SLC8A1: variants seen among roughly 807,000 people sequenced by gnomAD.
SLC8A1 encodes the protein sodium/calcium exchanger 1.
A neutral mutation model predicts 68.3 loss-of-function variants in SLC8A1; 18 were observed. The observed-to-expected ratio is 0.26, with a 90% CI of 0.18 to 0.39. SLC8A1 has a LOEUF of 0.39. Ranked by LOEUF, SLC8A1 falls within the 10% of genes least tolerant of loss-of-function variation. SLC8A1 has a pLI of 1.00. For missense variants in SLC8A1, 985 were observed against 1,156.7 expected (o/e 0.85, Z 2.15); for synonymous variants, 475 against 415.5 (o/e 1.14, Z -1.74).
chr2:40,241,578 C>T (rs1236759764), intron 2 of SLC8A1, among the ~76,000 whole-genome samples: 3 of 152,204 alleles, frequency 2.0e-5, no homozygotes, highest in Non-Finnish European at 2.9e-5. Context: ...CCCCCTTTGA[C>T]CTCTTCTTTG....
At chr2:40,300,951 G>A (rs564560607) in intron 2 of SLC8A1, among the ~76,000 whole-genome samples, 4 of 152,218 alleles carry the variant, frequency 2.6e-5, no homozygotes, top group Admixed American at 6.5e-5. Context: ...TAATCTATAC[G>A]TAATTGTCCT....
intron 2 of SLC8A1, among the ~76,000 whole-genome samples, chr2:40,397,500 C>G (rs899950732): frequency 1.3e-5 from 2 of 152,200 alleles, no homozygotes; most frequent in African/African-American, 2.4e-5. Flanking sequence ...ACAAGAAGCA[C>G]TGTCAACTGA....
At chr2:40,218,738 A>C (rs191373098) in intron 2 of SLC8A1, among the ~76,000 whole-genome samples, 3 of 151,526 alleles carry the variant, frequency 2.0e-5, no homozygotes, top group African/African-American at 7.3e-5. Flanking sequence ...AAAAAAAAAA[A>C]ACTAATTAAC....
At chr2:40,236,276 G>C (rs1260648975) in intron 2 of SLC8A1, among the ~76,000 whole-genome samples, 1 of 151,494 alleles carries the variant, frequency 6.6e-6, no homozygotes, top group Non-Finnish European at 1.5e-5. Flanking sequence ...TTATGAATCT[G>C]GGTGCTCCTG....
chr2:40,466,999 C>T (rs918803464), intron 1 of SLC8A1, among the ~76,000 whole-genome samples: 3 of 147,484 alleles, frequency 2.0e-5, no homozygotes, highest in Non-Finnish European at 4.5e-5. Flanking sequence ...GTGCAGAGAA[C>T]GGAAGAGAAG....
intron 2 of SLC8A1, among the ~76,000 whole-genome samples, chr2:40,320,247 ATTCT>A (rs1254892198): frequency 6.6e-6 from 1 of 152,082 alleles, no homozygotes; most frequent in Non-Finnish European, 1.5e-5. Context: ...TTCAATACTT[ATTCT>A]TTTTTTTCAA....
At chr2:40,131,793 C>T (rs962615409) in intron 7 of SLC8A1, among the ~76,000 whole-genome samples, 11 of 150,198 alleles carry the variant, frequency 7.3e-5, no homozygotes, top group Non-Finnish European at 1.5e-4. Context: ...AAGACCAAAT[C>T]TCTCTTTGTG....
At chr2:40,430,392 T>TA (rs1698013493) in intron 1 of SLC8A1, 88 bp from the exon 2 acceptor site, 5 of 1,334,646 alleles carry the variant, frequency 3.7e-6, no homozygotes, top group Non-Finnish European at 5.0e-6. Flanking sequence ...TTATTTTTAT[T>TA]ACTCTTACCA....
chr2:40,508,987 G>T (rs371995314), intron 1 of SLC8A1, among the ~76,000 whole-genome samples: 1 of 152,162 alleles, frequency 6.6e-6, no homozygotes, highest in African/African-American at 2.4e-5. Flanking sequence ...TGATAACCAC[G>T]GCTCATATCA....
intron 3 of SLC8A1, 116 bp downstream of exon 4, chr2:40,175,145 A>C (rs953927667): frequency 9.1e-7 from 1 of 1,096,082 alleles, no homozygotes; most frequent in Non-Finnish European, 1.4e-6. Flanking sequence ...GGCCCTAAAC[A>C]ACAATCTTGC....
At chr2:40,259,713 A>G (rs1033324332) in intron 2 of SLC8A1, among the ~76,000 whole-genome samples, 5 of 152,104 alleles carry the variant, frequency 3.3e-5, no homozygotes, top group Admixed American at 2.0e-4. Context: ...TTGATTTACT[A>G]TTGCCAATAT....
intron 2 of SLC8A1, among the ~76,000 whole-genome samples, chr2:40,307,045 C>T (rs2072759915): frequency 6.6e-6 from 1 of 152,004 alleles, no homozygotes; most frequent in African/African-American, 2.4e-5. Context: ...AATATTTGCT[C>T]ATCCATGTTC....
chr2:40,129,381 C>A (rs1239898999), intron 7 of SLC8A1, among the ~76,000 whole-genome samples: 1 of 142,690 alleles, frequency 7.0e-6, no homozygotes, highest in African/African-American at 2.6e-5. Flanking sequence ...CAGGTGCATA[C>A]CACCATGCCC....
At chr2:40,120,249 T>C (rs1280494655) in intron 7 of SLC8A1, among the ~76,000 whole-genome samples, 1 of 152,210 alleles carries the variant, frequency 6.6e-6, no homozygotes, top group Non-Finnish European at 1.5e-5. Context: ...CAATGCTTCA[T>C]GCCCAGGAAC....
chr2:40,218,767 T>C (rs2057878278), intron 2 of SLC8A1, among the ~76,000 whole-genome samples: 1 of 126,568 alleles, frequency 7.9e-6, no homozygotes, highest in Non-Finnish European at 1.9e-5. Context: ...TTGCAGAGAT[T>C]GGTAGACCTG....
In SLC8A1 at chr2:40,235,082, T is replaced by C. The variant is rs1268839946; in HGVS notation, c.1809-57227A>G. Among the ~76,000 whole-genome samples the C allele has an allele frequency of 4.6e-5, 7 of 152,072 alleles. No individual in the cohort carries two copies. In the East Asian group the frequency reaches 1.2e-3, roughly 25 times the overall value. On this transcript the variant is annotated intron_variant, in intron 2 of 7. Coordinates refer to ENST00000406785, the Ensembl canonical transcript of SLC8A1. ...TCTCTTTTTTGGTTGTGTCTCTGCT[T>C]GGCTTTGGTATCAGAATGATGCTGG...
intron 1 of SLC8A1, among the ~76,000 whole-genome samples, chr2:40,477,467 T>G (rs1336029981): frequency 6.6e-6 from 1 of 152,170 alleles, no homozygotes; most frequent in Non-Finnish European, 1.5e-5. Flanking sequence ...AAGAAGATAA[T>G]TTATTGTCAC....
chr2:40,220,875 C>CA (rs1395924133), intron 2 of SLC8A1, among the ~76,000 whole-genome samples: 150 of 151,082 alleles, frequency 9.9e-4, no homozygotes, highest in Non-Finnish European at 1.9e-3. Context: ...TTTTTTTCTT[C>CA]AAAAAAAAAG....
chr2:40,217,752 A>G (rs1189661172), intron 2 of SLC8A1, among the ~76,000 whole-genome samples: 2 of 152,196 alleles, frequency 1.3e-5, no homozygotes, highest in Non-Finnish European at 2.9e-5. Context: ...AGTAGTTTGA[A>G]GATTGTAATC....
Sources: allele counts gnomAD v4.1 joint callset (sites outside exome capture counted in the v4.1 genomes callset), GRCh38; gene constraint gnomAD v4.1.1; transcripts MANE v1.5; gene names NCBI Gene and HGNC (gene_info 2026-07-23, HGNC 2026-07-21).